FARSB: variants seen among roughly 807,000 people sequenced by gnomAD.
The protein encoded by FARSB is phenylalanyl-tRNA synthetase subunit beta, also known as phenylalanine--tRNA ligase beta subunit.
In FARSB, 40 loss-of-function variants were observed where a neutral mutation model predicts 69.6. The observed-to-expected ratio is 0.57, with a 90% CI of 0.45 to 0.75. The LOEUF (loss-of-function observed/expected upper bound fraction) is 0.75. FARSB is among the 30% of genes least tolerant of loss of function. The probability of loss-of-function intolerance (pLI) is 0.00; values close to 1 mark genes in which losing one functional copy is unlikely to be tolerated. For synonymous variants in FARSB, 235 were observed against 247.2 expected (o/e 0.95, Z 0.46); for missense variants, 632 against 722.9 (o/e 0.87, Z 1.44).
At chr2:222,643,270 G>A (rs539960219) in intron 2 of FARSB, among the ~76,000 whole-genome samples, 3 of 152,128 alleles carry the variant, frequency 2.0e-5, no homozygotes, top group African/African-American at 7.2e-5. Context: ...TCTAAACAAG[G>A]GTCAGCAAGC....
At chr2:222,617,349 A>C (rs1691024307) in intron 14 of FARSB, among the ~76,000 whole-genome samples, 1 of 152,236 alleles carries the variant, frequency 6.6e-6, no homozygotes, top group African/African-American at 2.4e-5. Context: ...ACTTATATAA[A>C]ATAGAAAAGA....
chr2:222,570,201 T>C lies in FARSB; in HGVS notation c.*1670A>G, dbSNP rs959314990. On this transcript the variant is annotated 3_prime_UTR_variant, in exon 17 of 17. Transcript: ENST00000281828. The stretch of plus-strand genomic sequence containing the variant: ...TTTTGGGAAATGTTTGCTCAACTCT[T>C]GCACATTTTTAAAAAACAGTTGTTT... 6.6e-6 allele frequency among the ~76,000 whole-genome samples: 1 copy of C among 152,268 alleles called. No individual in the cohort carries two copies. Among genetic ancestry groups the C allele is most frequent in the Admixed American group, 6.5e-5 (1 of 15,294 alleles).
chr2:222,617,694 T>G (rs112438526), intron 14 of FARSB, among the ~76,000 whole-genome samples: 10,566 of 152,118 alleles, frequency 0.069, 815 homozygotes, highest in African/African-American at 0.19. Context: ...GACCAGCCTG[T>G]CCAACATGGT....
chr2:222,628,155 CTA>C (rs1365387288), intron 10 of FARSB, among the ~76,000 whole-genome samples: 1 of 152,160 alleles, frequency 6.6e-6, no homozygotes, highest in Non-Finnish European at 1.5e-5. Flanking sequence ...CGTGAACAGA[CTA>C]TGTTCGGAGG....
At chr2:222,635,348 T>C (rs982856114) in intron 5 of FARSB, among the ~76,000 whole-genome samples, 10 of 152,358 alleles carry the variant, frequency 6.6e-5, no homozygotes, top group African/African-American at 2.2e-4. Flanking sequence ...TTAAAGTGTA[T>C]GTGCACTAAA....
At position 222,630,113 on chromosome 2, in the gene FARSB, G is replaced by A. The variant is rs759915281; in HGVS notation, c.848C>T (p.Thr283Met). The A allele has an allele frequency of 1.1e-5, 17 of 1,539,940 alleles. No individual in the cohort carries two copies. Among genetic ancestry groups the A allele is most frequent in the African/African-American group, 1.4e-5 (1 of 71,462 alleles). The change falls in exon 9 of 17, where the codon ACG becomes ATG. Residue 283 changes from threonine (T) to methionine (M), a missense_variant and splice_region_variant. Coordinates refer to ENST00000281828, the MANE Select transcript of FARSB (RefSeq NM_005687.5). ...CAATAAAGGTGCTGGATGAACTTAC[G>A]TAAATTGATTCTCACAATATTCACT... is the stretch of plus-strand genomic sequence containing the variant. ...MFSEYCENQF[T>M]VEAAEVVFPN...
chr2:222,616,459 ATTGC>A (rs1401777011), intron 14 of FARSB, among the ~76,000 whole-genome samples: 1 of 144,018 alleles, frequency 6.9e-6, no homozygotes, highest in East Asian at 2.1e-4. Context: ...AGGCAGGAGA[ATTGC>A]TTGAACCCAG....
chr2:222,631,525 T>C lies in FARSB; in HGVS notation c.786+79A>G, dbSNP rs1028753736. The stretch of plus-strand genomic sequence containing the variant: ...ACCTACAAAATGCACATATTTTAAA[T>C]TTTAGCCACTTAGTCTTGGTCCGGA... On this transcript the variant is annotated intron_variant, in intron 8 of 16. Coordinates refer to ENST00000281828, the MANE Select transcript of FARSB (RefSeq NM_005687.5). 1.6e-5 allele frequency: 13 copies of C among 791,582 alleles called. No individual in the cohort carries two copies. In the African/African-American group the frequency reaches 2.3e-4, roughly 14 times the overall value. The allele number at this position is 791,582 out of a possible 1,614,324, so 49.0% of individuals were successfully genotyped here.
chr2:222,570,038 C>T lies in FARSB; in HGVS notation c.*1833G>A, dbSNP rs918720383. 3.3e-5 allele frequency among the ~76,000 whole-genome samples: 5 copies of T among 152,180 alleles called. No homozygotes were observed. The highest frequency in any genetic ancestry group is 7.3e-5 in the Non-Finnish European group (5 of 68,038). On this transcript the variant is annotated 3_prime_UTR_variant, in exon 17 of 17. Coordinates refer to ENST00000281828, the MANE Select transcript of FARSB (RefSeq NM_005687.5). ...GCATGAAAGTTCCACTTGCTCCAGT[C>T]TCAGCAGTATTTGATTTATGAATCT... is the stretch of plus-strand genomic sequence containing the variant.
chr2:222,590,548 C>T (rs1339410470), intron 16 of FARSB, among the ~76,000 whole-genome samples: 1 of 114,056 alleles, frequency 8.8e-6, no homozygotes. Flanking sequence ...CCTTTTAGGC[C>T]AAAAAAAAAA....
intron 15 of FARSB, among the ~76,000 whole-genome samples, chr2:222,608,394 C>A (rs1690760878): frequency 6.6e-6 from 1 of 152,054 alleles, no homozygotes; most frequent in Admixed American, 6.5e-5. Flanking sequence ...TAGAGTTACA[C>A]AAAAACCTTT....
chr2:222,608,794 T>C (rs116756834), intron 15 of FARSB, among the ~76,000 whole-genome samples: 1 of 152,150 alleles, frequency 6.6e-6, no homozygotes, highest in Non-Finnish European at 1.5e-5. Flanking sequence ...AATAATGCTC[T>C]GAGCAAAAAG....
intron 16 of FARSB, among the ~76,000 whole-genome samples, chr2:222,589,695 T>C (rs1690212962): frequency 6.6e-6 from 1 of 152,048 alleles, no homozygotes; most frequent in Non-Finnish European, 1.5e-5. Flanking sequence ...CATCAAAAAG[T>C]AGGCGAAGGA....
intron 1 of FARSB, among the ~76,000 whole-genome samples, chr2:222,652,307 G>C (rs927810612): frequency 9.9e-5 from 15 of 152,226 alleles, no homozygotes; most frequent in Admixed American, 2.0e-4. Context: ...GGGAGGAACT[G>C]AATCAGTGGA....
intron 15 of FARSB, among the ~76,000 whole-genome samples, chr2:222,603,761 C>T (rs890987622): frequency 2.7e-5 from 4 of 147,904 alleles, no homozygotes; most frequent in East Asian, 3.9e-4. Context: ...ATTGCTAATA[C>T]GATTAATTAT....
intron 15 of FARSB, among the ~76,000 whole-genome samples, chr2:222,609,031 T>C (rs1391939690): frequency 6.6e-6 from 1 of 152,246 alleles, no homozygotes; most frequent in African/African-American, 2.4e-5. Context: ...AATCACCCTC[T>C]TACATTGCAA....
chr2:222,621,516 CCT>C, intron 13 of FARSB, among the ~76,000 whole-genome samples: 1 of 152,164 alleles, frequency 6.6e-6, no homozygotes, highest in Non-Finnish European at 1.5e-5. Flanking sequence ...AGCCACCATG[CCT>C]GCCAGGAACT....
intron 15 of FARSB, among the ~76,000 whole-genome samples, chr2:222,612,296 G>C (rs1690875165): frequency 6.6e-6 from 1 of 152,212 alleles, no homozygotes; most frequent in African/African-American, 2.4e-5. Flanking sequence ...ATGTGTGACT[G>C]AGATCTGTAC....
intron 12 of FARSB, among the ~76,000 whole-genome samples, chr2:222,624,071 A>T (rs1691206704): frequency 6.6e-6 from 1 of 152,204 alleles, no homozygotes; most frequent in Admixed American, 6.5e-5. Context: ...GTCTTTCTTC[A>T]AAGAACTAGT....
Sources: gnomAD v4.1 joint callset for allele counts (sites outside exome capture counted in the v4.1 genomes callset) on GRCh38, gnomAD v4.1.1 for gene constraint, MANE v1.5 for transcripts, NCBI Gene and HGNC (gene_info 2026-07-23, HGNC 2026-07-21) for gene names.